PROSER3: variants seen among roughly 807,000 people sequenced by gnomAD.
The protein encoded by PROSER3 is proline and serine-rich protein 3.
A neutral mutation model predicts 50.2 loss-of-function variants in PROSER3; 33 were observed. The observed-to-expected ratio is 0.66, with a 90% CI of 0.50 to 0.88. PROSER3 has a LOEUF of 0.88. PROSER3 is among the 40% of genes least tolerant of loss of function. The pLI, the probability that PROSER3 is intolerant of heterozygous loss-of-function variation, is 0.00. For synonymous variants in PROSER3, 266 were observed against 259.3 expected, an observed-to-expected ratio of 1.03 and a Z score of -0.25; for missense variants, 623 against 612.7, an observed-to-expected ratio of 1.02 and a Z score of -0.18.
chr19:35,763,448 C>T (rs113473346), intron 5 of PROSER3, among the ~76,000 whole-genome samples: 3,215 of 151,452 alleles, frequency 0.021, 42 homozygotes, highest in Non-Finnish European at 0.025. Context: ...TCCGGCAATC[C>T]GCCCACCTCA....
At chr19:35,768,418 G>A in exon 11 of PROSER3, 2 of 1,596,994 alleles carry the variant, frequency 1.3e-6, no homozygotes, top group Non-Finnish European at 1.7e-6. Flanking sequence ...GCGGATGCCC[G>A]ATTATCGTTC....
exon 11 of PROSER3, chr19:35,768,619 A>G (rs1971254981): frequency 2.7e-6 from 4 of 1,496,462 alleles, no homozygotes; most frequent in Admixed American, 4.6e-5. Flanking sequence ...TCTGTGAGAA[A>G]GGGGTTGTTT....
chr19:35,764,981 C>T (rs755993336), intron 6 of PROSER3, 45 bp downstream of exon 6: 10 of 1,612,696 alleles, frequency 6.2e-6, no homozygotes, highest in Admixed American at 3.3e-5. Context: ...TGCGGCTCCA[C>T]GTGGCCCAGG....
chr19:35,770,096 G>A (rs1416673628), downstream of PROSER3, among the ~76,000 whole-genome samples: 1 of 152,016 alleles, frequency 6.6e-6, no homozygotes, highest in Non-Finnish European at 1.5e-5. Context: ...GTAGAGACGG[G>A]GTTTCACCAT....
At chr19:35,768,209 A>G (rs1047224657) in exon 10 of PROSER3, 1 of 1,613,518 alleles carries the variant, frequency 6.2e-7, no homozygotes, top group Non-Finnish European at 8.5e-7. Flanking sequence ...CTAAGAGCCC[A>G]TAGGGCAGAG....
intron 10 of PROSER3, 33 bp downstream of exon 10, chr19:35,768,269 A>G: frequency 6.3e-7 from 1 of 1,598,660 alleles, no homozygotes; most frequent in Non-Finnish European, 8.5e-7. Context: ...AGTCTATGAC[A>G]CTGGGCCCCG....
exon 4 of PROSER3, chr19:35,762,029 A>G: frequency 6.2e-7 from 1 of 1,606,762 alleles, no homozygotes; most frequent in Non-Finnish European, 8.5e-7. Flanking sequence ...GTATATAAAC[A>G]GGTTCCGCCA....
At chr19:35,760,088 G>A in intron 3 of PROSER3, 97 bp downstream of exon 3, 2 of 1,295,088 alleles carry the variant, frequency 1.5e-6, no homozygotes, top group African/African-American at 1.5e-5. Flanking sequence ...TGTTTCTGCA[G>A]CACTCTTTTA....
intron 7 of PROSER3, 137 bp downstream of exon 7, chr19:35,765,313 G>C (rs917823218): frequency 1.6e-5 from 19 of 1,169,238 alleles, no homozygotes; most frequent in Middle Eastern, 2.7e-4. Context: ...GATGAGGTGG[G>C]TCAGGCATGG....
In PROSER3 at chr19:35,764,690, A is replaced by G. The variant is rs75331663; in HGVS notation, c.544-164A>G. Among the ~76,000 whole-genome samples, 8 of 152,056 alleles carry G rather than the reference A, an allele frequency of 5.3e-5. No individual in the cohort carries two copies. In the East Asian group the frequency reaches 1.2e-3, roughly 22 times the overall value. ...AGAAAAAAAAAAAGGTGCTAATCCA[A>G]AGGGGAAAACTGGGTCTCTCCTCCC... On this transcript the variant is annotated intron_variant, in intron 5 of 10. Transcript: ENST00000396908.
At chr19:35,767,095 C>T in intron 8 of PROSER3, 1 of 1,123,038 alleles carries the variant, frequency 8.9e-7, no homozygotes, top group Non-Finnish European at 1.2e-6. Context: ...CAGTGGAGAC[C>T]CTCAGTTCTC....
At chr19:35,759,895 G>T (rs772773573) in exon 3 of PROSER3, 21 of 1,598,188 alleles carry the variant, frequency 1.3e-5, no homozygotes, top group Admixed American at 1.7e-5. Context: ...TGGCCATCCA[G>T]TTCAGGGACC....
At chr19:35,767,397 T>C in intron 8 of PROSER3, 1 of 161,570 alleles carries the variant, frequency 6.2e-6, no homozygotes, top group Non-Finnish European at 1.2e-5. Flanking sequence ...CCAGCTCCCC[T>C]GGCCTCCACC....
exon 6 of PROSER3, chr19:35,764,894 C>G: frequency 1.9e-6 from 3 of 1,613,762 alleles, no homozygotes; most frequent in Non-Finnish European, 2.5e-6. Flanking sequence ...GACCTGGAGA[C>G]GCTGAGCCTA....
At chr19:35,768,042 C>T in exon 9 of PROSER3, 1 of 1,581,538 alleles carries the variant, frequency 6.3e-7, no homozygotes, top group Non-Finnish European at 8.6e-7. Context: ...GCCCAGGCCG[C>T]CCTGCTGCTG....
At chr19:35,758,250 G>A in intron 1 of PROSER3, 24 bp downstream of exon 1, 1 of 1,561,164 alleles carries the variant, frequency 6.4e-7, no homozygotes, top group Non-Finnish European at 8.7e-7. Context: ...CTCTTCCAGG[G>A]ACTACAGGAG....
intron 3 of PROSER3, among the ~76,000 whole-genome samples, chr19:35,760,249 G>A (rs909820865): frequency 6.6e-6 from 1 of 151,930 alleles, no homozygotes; most frequent in Non-Finnish European, 1.5e-5. Flanking sequence ...ACAGGGTCTC[G>A]CTCTGTTACT....
intron 8 of PROSER3, chr19:35,767,749 A>G (rs1568414305): frequency 6.4e-7 from 1 of 1,561,280 alleles, no homozygotes; most frequent in African/African-American, 1.4e-5. Context: ...TCCAGGCCAC[A>G]CAACCCCAAA....
chr19:35,761,237 C>A (rs1970945681), intron 3 of PROSER3, among the ~76,000 whole-genome samples: 1 of 152,162 alleles, frequency 6.6e-6, no homozygotes, highest in Non-Finnish European at 1.5e-5. Context: ...GTGTGCCCAG[C>A]TAAAAGTTAC....
Sources: allele counts gnomAD v4.1 joint callset (sites outside exome capture counted in the v4.1 genomes callset), GRCh38; gene constraint gnomAD v4.1.1; transcripts MANE v1.5; gene names NCBI Gene and HGNC (gene_info 2026-07-23, HGNC 2026-07-21).